MYO1D: variants seen among roughly 807,000 people sequenced by gnomAD.
MYO1D encodes unconventional myosin-Id.
A neutral mutation model predicts 122.0 loss-of-function variants in MYO1D; 83 were observed. The observed-to-expected ratio is 0.68, with a 90% CI of 0.57 to 0.82. The LOEUF (loss-of-function observed/expected upper bound fraction) is 0.82, where lower values mean the gene tolerates loss of function less well. Among genes scored for constraint, MYO1D ranks in the 40% least tolerant of loss-of-function variants. The probability of loss-of-function intolerance (pLI) is 0.00; values close to 1 mark genes in which losing one functional copy is unlikely to be tolerated. For missense variants in MYO1D, 1,157 were observed against 1,269.5 expected (o/e 0.91, Z 1.35); for synonymous variants, 464 against 446.9 (o/e 1.04, Z -0.48).
intron 19 of MYO1D, 122 bp from the exon 20 acceptor site, chr17:32,638,957 A>T (rs1567922986): frequency 3.2e-6 from 2 of 634,418 alleles, no homozygotes; most frequent in Non-Finnish European, 5.7e-6. Context: ...TGGATGCAAT[A>T]AAGATTTAAA....
rs184552105 is a variant in MYO1D, at chr17:32,665,205, C to T, written c.2122-5867G>A. The stretch of plus-strand genomic sequence containing the variant: ...AAAGTTCAACTTGTCTCCACCTCCC[C>T]GCCCCCCGACCCGCCCAGCACTCTT... On this transcript the variant is annotated intron_variant, in intron 16 of 21. Transcript: ENST00000318217. Among the ~76,000 whole-genome samples the T allele has an allele frequency of 6.2e-4, 95 of 152,258 alleles. 1 individual carries two copies. In the East Asian group the frequency reaches 0.013, roughly 21 times the overall value.
At chr17:32,618,291 T>G (rs909905585) in intron 20 of MYO1D, among the ~76,000 whole-genome samples, 1 of 152,234 alleles carries the variant, frequency 6.6e-6, no homozygotes, top group African/African-American at 2.4e-5. Flanking sequence ...TGTAATCAAC[T>G]GATTAAAAGG....
At position 32,597,892 on chromosome 17, in the gene MYO1D, A is replaced by G. The variant is rs191194; in HGVS notation, c.2864+7195T>C. Among the ~76,000 whole-genome samples, 54 of 146,216 alleles carry G rather than the reference A, an allele frequency of 3.7e-4. 1 individual carries two copies. Among genetic ancestry groups the G allele is most frequent in the Admixed American group, 8.2e-4 (12 of 14,602 alleles). On this transcript the variant is annotated intron_variant, in intron 21 of 21. Transcript: ENST00000318217. ...TCAAAAAAAAAAAAAAAAAAAAAAA[A>G]GAAATCTCGTTTCAACTTCTTTACA... is the stretch of plus-strand genomic sequence containing the variant.
At chr17:32,578,449 G>A (rs1209511297) in intron 21 of MYO1D, among the ~76,000 whole-genome samples, 3 of 152,342 alleles carry the variant, frequency 2.0e-5, no homozygotes, top group African/African-American at 4.8e-5. Context: ...CTAGCTGGCC[G>A]AGTTTAGGAC....
intron 19 of MYO1D, among the ~76,000 whole-genome samples, chr17:32,646,049 C>T (rs2150945064): frequency 6.6e-6 from 1 of 152,228 alleles, no homozygotes; most frequent in South Asian, 2.1e-4. Flanking sequence ...TACCTTTGGT[C>T]TTTGATGATG....
chr17:32,503,528 C>T (rs559647751), intron 21 of MYO1D, among the ~76,000 whole-genome samples: 1 of 152,306 alleles, frequency 6.6e-6, no homozygotes, highest in South Asian at 2.1e-4. Context: ...TTGGTGAGAA[C>T]ATTTTTCTGG....
intron 21 of MYO1D, among the ~76,000 whole-genome samples, chr17:32,578,077 T>C (rs539714090): frequency 1.0e-3 from 153 of 152,318 alleles, no homozygotes; most frequent in African/African-American, 3.4e-3. Context: ...AGGTAGCTAT[T>C]AGAATGCCCA....
At chr17:32,712,278 C>G (rs572642105) in intron 15 of MYO1D, 83 bp from the exon 16 acceptor site, 31 of 1,293,772 alleles carry the variant, frequency 2.4e-5, no homozygotes, top group Non-Finnish European at 3.3e-5. Context: ...ATGCAAGACA[C>G]CTCATAGAAA....
chr17:32,575,681 T>G (rs2087272700), intron 21 of MYO1D, among the ~76,000 whole-genome samples: 1 of 152,216 alleles, frequency 6.6e-6, no homozygotes, highest in Admixed American at 6.5e-5. Context: ...TTTCACTCCA[T>G]TATGTTTCAA....
Position 32,830,791 on chromosome 17 carries a change from G to A in MYO1D, c.95+45987C>T, listed in dbSNP as rs550102256. Among the ~76,000 whole-genome samples the A allele has an allele frequency of 2.6e-5, 4 of 152,322 alleles. No individual in the cohort carries two copies. In the South Asian group the frequency reaches 8.3e-4, roughly 32 times the overall value. ...TTTAAAAAATACCGATATGGGCGGT[G>A]GCTCATGCCTGTAATCCCAGCACTT... is the stretch of plus-strand genomic sequence containing the variant. On this transcript the variant is annotated intron_variant, in intron 1 of 21. Transcript: ENST00000318217.
chr17:32,674,033 T>C (rs2088765580), intron 16 of MYO1D, among the ~76,000 whole-genome samples: 1 of 152,212 alleles, frequency 6.6e-6, no homozygotes, highest in African/African-American at 2.4e-5. Flanking sequence ...TATGACTAAT[T>C]CCTTAAAAGT....
intron 19 of MYO1D, among the ~76,000 whole-genome samples, chr17:32,646,486 A>C (rs1347083418): frequency 6.6e-6 from 1 of 152,048 alleles, no homozygotes. Flanking sequence ...AACAATAATA[A>C]GTAAAAGTCA....
chr17:32,632,578 TATATATATACACACACACAC>T (rs1176729556), intron 20 of MYO1D: 1,459 of 106,608 alleles, frequency 0.014, 32 homozygotes, highest in African/African-American at 0.077. Flanking sequence ...TATATATATA[TATATATATACACACACACAC>T]ACACACACAC....
At chr17:32,545,264 T>G (rs548703355) in intron 21 of MYO1D, among the ~76,000 whole-genome samples, 2 of 152,334 alleles carry the variant, frequency 1.3e-5, no homozygotes, top group East Asian at 3.9e-4. Context: ...GGGCTCAGTT[T>G]CCTCATATAA....
At chr17:32,562,007 G>T (rs112894928) in intron 21 of MYO1D, among the ~76,000 whole-genome samples, 4,418 of 127,990 alleles carry the variant, frequency 0.035, 208 homozygotes, top group African/African-American at 0.12. Context: ...TTTTTTTTTT[G>T]GAGACAGGGG....
chr17:32,580,375 T>A (rs145776111), intron 21 of MYO1D, among the ~76,000 whole-genome samples: 1 of 131,574 alleles, frequency 7.6e-6, no homozygotes. Flanking sequence ...ACCACTGAGA[T>A]TGTTTTTTTT....
At chr17:32,722,591 TG>T (rs142811782) in intron 14 of MYO1D, among the ~76,000 whole-genome samples, 4,608 of 152,282 alleles carry the variant, frequency 0.03, 119 homozygotes, top group Non-Finnish European at 0.05. Context: ...TGGGCTCACT[TG>T]GGTAATGGAG....
chr17:32,691,562 A>G (rs1175642952), intron 16 of MYO1D, among the ~76,000 whole-genome samples: 2 of 151,796 alleles, frequency 1.3e-5, no homozygotes, highest in Admixed American at 6.5e-5. Flanking sequence ...GCCTGCCCCT[A>G]TGCCCGGTTA....
intron 3 of MYO1D, among the ~76,000 whole-genome samples, chr17:32,777,710 C>T (rs1206309150): frequency 6.6e-6 from 1 of 151,936 alleles, no homozygotes; most frequent in Non-Finnish European, 1.5e-5. Context: ...CTTTGGGAGA[C>T]CGAGGCGGAC....
Sources: gnomAD v4.1 joint callset for allele counts (sites outside exome capture counted in the v4.1 genomes callset) on GRCh38, gnomAD v4.1.1 for gene constraint, MANE v1.5 for transcripts, NCBI Gene and HGNC (gene_info 2026-07-23, HGNC 2026-07-21) for gene names.